NEDD9: variants seen among roughly 807,000 people sequenced by gnomAD.
NEDD9 encodes enhancer of filamentation 1.
NEDD9 carries 26 observed loss-of-function variants against 76.6 expected under a neutral mutation model. The observed-to-expected ratio is 0.34, with a 90% CI of 0.25 to 0.47. The LOEUF (loss-of-function observed/expected upper bound fraction) is 0.47. NEDD9 is among the 20% of genes least tolerant of loss of function. The pLI is 1.00. For synonymous variants in NEDD9, 392 were observed against 414.2 expected (o/e 0.95, Z 0.65); for missense variants, 937 against 1,058.5 (o/e 0.89, Z 1.59).
chr6:11,247,562 A>G (rs1405490972), intron 3 of NEDD9, among the ~76,000 whole-genome samples: 2 of 152,186 alleles, frequency 1.3e-5, no homozygotes, highest in African/African-American at 4.8e-5. Context: ...TCATCACTCC[A>G]GAAAGAAACA....
chr6:11,197,885 G>C (rs1758328494), intron 2 of NEDD9, among the ~76,000 whole-genome samples: 1 of 152,122 alleles, frequency 6.6e-6, no homozygotes, highest in Non-Finnish European at 1.5e-5. Flanking sequence ...TTGGATAGCA[G>C]AGAGAGATAG....
At chr6:11,208,729 G>A (rs1297201044) in intron 2 of NEDD9, among the ~76,000 whole-genome samples, 11 of 152,154 alleles carry the variant, frequency 7.2e-5, no homozygotes, top group Non-Finnish European at 1.2e-4. Context: ...GAATAAAAGC[G>A]ACACATCCAA....
intron 1 of NEDD9, among the ~76,000 whole-genome samples, chr6:11,346,450 G>A (rs999999787): frequency 2.0e-5 from 3 of 149,130 alleles, no homozygotes; most frequent in African/African-American, 4.9e-5. Context: ...GTTCACTTTC[G>A]TTGTACTGTT....
chr6:11,358,016 A>G (rs1762610378), intron 1 of NEDD9, among the ~76,000 whole-genome samples: 3 of 152,142 alleles, frequency 2.0e-5, no homozygotes, highest in South Asian at 4.1e-4. Flanking sequence ...TTGGGAGGCC[A>G]AGGCGGGCGG....
intron 3 of NEDD9, among the ~76,000 whole-genome samples, chr6:11,254,803 C>T (rs994873621): frequency 6.6e-6 from 1 of 152,236 alleles, no homozygotes; most frequent in Non-Finnish European, 1.5e-5. Context: ...CTACATTCTA[C>T]ATCCTCTCTT....
upstream of NEDD9, among the ~76,000 whole-genome samples, chr6:11,237,508 G>T (rs534334340): frequency 6.6e-6 from 1 of 152,274 alleles, no homozygotes; most frequent in South Asian, 2.1e-4. The surrounding 1 kb of genome is among the most constrained non-coding windows in gnomAD (Gnocchi z 4.9). Context: ...ACCAACTCAA[G>T]GCCTGTTGCT....
intron 1 of NEDD9, among the ~76,000 whole-genome samples, chr6:11,380,489 G>T (rs1321202342): frequency 1.3e-5 from 2 of 152,178 alleles, no homozygotes; most frequent in Non-Finnish European, 2.9e-5. Context: ...TCTGCCCTTT[G>T]GGCAATTACA....
chr6:11,326,816 G>A (rs1233757633), intron 2 of NEDD9, among the ~76,000 whole-genome samples: 1 of 152,192 alleles, frequency 6.6e-6, no homozygotes, highest in Middle Eastern at 3.2e-3. Flanking sequence ...AAGGTCCCAC[G>A]GTTCAGGCCA....
Position 11,203,236 on chromosome 6 carries a change from A to G in NEDD9, c.460-9544T>C, listed in dbSNP as rs543491624. Among the ~76,000 whole-genome samples the G allele has an allele frequency of 6.8e-4, 103 of 152,186 alleles. No homozygotes were observed. The Middle Eastern group carries it at 0.01, about 15-fold the overall frequency. On this transcript the variant is annotated intron_variant, in intron 2 of 6. Transcript: ENST00000379446. ...GTGACAAGTTGGATACAGCAAAGCCATTTTTTTTCTGTCTCATGGACTGAA... is the reference window on the plus strand; with the variant it reads ...GTGACAAGTTGGATACAGCAAAGCCGTTTTTTTTCTGTCTCATGGACTGAA...
chr6:11,244,924 ACAC>A (rs1759779513), intron 3 of NEDD9, among the ~76,000 whole-genome samples: 1 of 152,178 alleles, frequency 6.6e-6, no homozygotes, highest in South Asian at 2.1e-4. Flanking sequence ...GGCCATAAAT[ACAC>A]CTTCCTGACT....
chr6:11,330,015 C>T (rs985171212), intron 2 of NEDD9, among the ~76,000 whole-genome samples: 13 of 152,152 alleles, frequency 8.5e-5, no homozygotes, highest in Non-Finnish European at 1.6e-4. Context: ...CTGTGCTGTC[C>T]GATGTGGGAG....
At chr6:11,354,781 CT>C (rs997050547) in intron 1 of NEDD9, among the ~76,000 whole-genome samples, 3 of 152,104 alleles carry the variant, frequency 2.0e-5, no homozygotes, top group African/African-American at 7.2e-5. Context: ...GGGGCTGCAA[CT>C]GGTTTAGGGA....
intron 2 of NEDD9, among the ~76,000 whole-genome samples, chr6:11,325,713 T>C (rs1761911978): frequency 6.6e-6 from 1 of 152,230 alleles, no homozygotes; most frequent in African/African-American, 2.4e-5. Context: ...GTTGTTTTTG[T>C]TCCTGCTTTT....
intron 1 of NEDD9, among the ~76,000 whole-genome samples, chr6:11,230,344 C>G (rs1224134366): frequency 6.6e-6 from 1 of 152,188 alleles, no homozygotes; most frequent in Non-Finnish European, 1.5e-5. Context: ...CGCCTTAGTT[C>G]TAATCCCAGC....
chr6:11,308,978 A>T (rs1761282276), intron 2 of NEDD9, among the ~76,000 whole-genome samples: 1 of 152,230 alleles, frequency 6.6e-6, no homozygotes, highest in Non-Finnish European at 1.5e-5. Flanking sequence ...AAGTATACTT[A>T]TGTGTCCTCA....
At chr6:11,209,778 C>G (rs1443811522) in intron 2 of NEDD9, among the ~76,000 whole-genome samples, 1 of 152,196 alleles carries the variant, frequency 6.6e-6, no homozygotes, top group Non-Finnish European at 1.5e-5. Flanking sequence ...GAAGGCCTTA[C>G]TCTCTCCACA....
At chr6:11,324,861 A>G (rs1228721508) in intron 2 of NEDD9, among the ~76,000 whole-genome samples, 1 of 152,258 alleles carries the variant, frequency 6.6e-6, no homozygotes, top group Non-Finnish European at 1.5e-5. Context: ...ACACAAAGGC[A>G]GCAGTGGTAT....
chr6:11,340,507 A>G (rs1413890538), intron 1 of NEDD9, among the ~76,000 whole-genome samples: 6 of 152,210 alleles, frequency 3.9e-5, no homozygotes, highest in African/African-American at 1.4e-4. Flanking sequence ...AATATCTTTT[A>G]TGTAATAGGT....
At position 11,185,616 on chromosome 6, in the gene NEDD9, A is replaced by G. The variant is rs1757960518; in HGVS notation, c.2051T>C (p.Ile684Thr). 6.2e-7 allele frequency: 1 copy of G among 1,614,030 alleles called. No homozygotes were observed. ...GCTCTGAGAGGGCTTCCACTTCGAGATGTCATTCTCCACGGGCTTTGTAAT... is the reference window on the plus strand; with the variant it reads ...GCTCTGAGAGGGCTTCCACTTCGAGGTGTCATTCTCCACGGGCTTTGTAAT... Reference protein sequence around the residue: ...QEITKPVENDISKWKPSQSLP... With the variant: ...QEITKPVENDTSKWKPSQSLP... Residue 684 changes from isoleucine (I) to threonine (T), a missense_variant, in exon 7 of 7, where the codon ATC becomes ACC. Transcript: ENST00000379446.
Sources: allele counts gnomAD v4.1 joint callset (sites outside exome capture counted in the v4.1 genomes callset), GRCh38; gene constraint gnomAD v4.1.1; non-coding constraint Gnocchi (gnomAD v3.1); transcripts MANE v1.5; gene names NCBI Gene and HGNC (gene_info 2026-07-23, HGNC 2026-07-21).